RGS10: variants seen among roughly 807,000 people sequenced by gnomAD.
RGS10 encodes regulator of G protein signaling 10, also known as regulator of G-protein signalling 10.
In RGS10, 11 loss-of-function variants were observed where a neutral mutation model predicts 23.5. The observed-to-expected ratio is 0.47, with a 90% CI of 0.29 to 0.77. The LOEUF (loss-of-function observed/expected upper bound fraction) is 0.77, where lower values mean the gene tolerates loss of function less well. RGS10 is among the 30% of genes least tolerant of loss of function. The pLI is 0.08. For missense variants in RGS10, 180 were observed against 226.3 expected, an observed-to-expected ratio of 0.80 and a Z score of 1.31; for synonymous variants, 77 against 83.2, an observed-to-expected ratio of 0.92 and a Z score of 0.41.
rs780445536 is a variant in RGS10, at chr10:119,500,211, C to G, written c.448G>C (p.Asp150His). Residue 150 changes from aspartate to histidine, a missense_variant, in exon 5 of 5, where the codon GAC (aspartate) becomes CAC (histidine). By Grantham distance (81) the Asp-to-His change is moderately conservative (BLOSUM62 -1). Coordinates refer to ENST00000369103, the MANE Select transcript of RGS10 (RefSeq NM_001005339.2). Reference protein sequence around the residue: ...YDSYSRFLKSDLFLKHKRTEE... With the variant: ...YDSYSRFLKSHLFLKHKRTEE... ...GTTCGCTTGTGTTTTAAAAACAAGTCAGACTTTAAGAAGCGGCTGTAGCTG... is the reference window on the plus strand; with the variant it reads ...GTTCGCTTGTGTTTTAAAAACAAGTGAGACTTTAAGAAGCGGCTGTAGCTG... The G allele has an allele frequency of 1.2e-6, 2 of 1,613,998 alleles. No individual in the cohort carries two copies. Among genetic ancestry groups the G allele is most frequent in the Admixed American group, 1.7e-5 (1 of 59,992 alleles).
intron 4 of RGS10, among the ~76,000 whole-genome samples, chr10:119,513,195 T>C (rs1371890434): frequency 6.6e-6 from 1 of 152,224 alleles, no homozygotes; most frequent in African/African-American, 2.4e-5. Context: ...TGGTGGCTCT[T>C]GCCTGTAATC....
intron 4 of RGS10, among the ~76,000 whole-genome samples, chr10:119,507,312 T>C (rs1293448957): frequency 1.3e-5 from 2 of 152,106 alleles, no homozygotes; most frequent in African/African-American, 4.8e-5. Context: ...GCAGGGGCAC[T>C]CAGGCCAAGG....
chr10:119,519,621 A>G (rs375196528), intron 3 of RGS10, among the ~76,000 whole-genome samples: 402 of 16,662 alleles, frequency 0.024, 14 homozygotes, highest in Middle Eastern at 0.05. Flanking sequence ...GTCTCCCTGT[A>G]TCTGTCTCCC....
rs372099818 is a variant in RGS10 at position 119,516,714 on chromosome 10, G to A, written c.256-1062C>T. 3.3e-5 allele frequency among the ~76,000 whole-genome samples: 5 copies of A among 152,280 alleles called. No individual in the cohort carries two copies. The South Asian group carries it at 1.0e-3, about 32-fold the overall frequency. ...CTTCCTGTTTCACCCGAAACTAACC[G>A]AGGCTGGCTCAGGAGCACTCACTGA... On this transcript the variant is annotated intron_variant, in intron 3 of 4. Transcript: ENST00000369103.
intron 4 of RGS10, among the ~76,000 whole-genome samples, chr10:119,514,281 C>T (rs1419583599): frequency 6.6e-6 from 1 of 151,630 alleles, no homozygotes; most frequent in Non-Finnish European, 1.5e-5. Context: ...CGCTTTAACT[C>T]AGGAGGCAGA....
At chr10:119,502,432 G>A (rs895907147) in intron 4 of RGS10, among the ~76,000 whole-genome samples, 15 of 152,326 alleles carry the variant, frequency 9.8e-5, no homozygotes, top group Middle Eastern at 6.8e-3. Context: ...CCAGGTCCAC[G>A]CAGATGGGAC....
intron 1 of RGS10, among the ~76,000 whole-genome samples, chr10:119,529,495 C>G (rs1239129271): frequency 1.3e-5 from 2 of 152,002 alleles, no homozygotes; most frequent in Non-Finnish European, 2.9e-5. Context: ...CCCAGTTTCC[C>G]CAATTCAAAA....
intron 1 of RGS10, among the ~76,000 whole-genome samples, chr10:119,531,734 T>C (rs935888929): frequency 6.6e-6 from 1 of 152,090 alleles, no homozygotes; most frequent in African/African-American, 2.4e-5. Context: ...ATGGACCCAA[T>C]ACTGGGACCT....
At chr10:119,516,970 A>G (rs1844151691) in intron 3 of RGS10, among the ~76,000 whole-genome samples, 1 of 152,200 alleles carries the variant, frequency 6.6e-6, no homozygotes, top group Non-Finnish European at 1.5e-5. Context: ...GCAGACAACA[A>G]ATGCCTCTAA....
intron 4 of RGS10, among the ~76,000 whole-genome samples, chr10:119,507,902 G>A (rs991689323): frequency 1.3e-5 from 2 of 152,002 alleles, no homozygotes; most frequent in African/African-American, 4.8e-5. Flanking sequence ...TTCTTTTTGA[G>A]TGGAGAAGGC....
chr10:119,510,928 T>C (rs939714771), intron 4 of RGS10, among the ~76,000 whole-genome samples: 37 of 152,014 alleles, frequency 2.4e-4, no homozygotes, highest in African/African-American at 3.1e-4. Context: ...CCGTGTTAGC[T>C]AGGATGGTCT....
At chr10:119,516,847 G>A (rs368396877) in intron 3 of RGS10, among the ~76,000 whole-genome samples, 2 of 152,198 alleles carry the variant, frequency 1.3e-5, no homozygotes, top group African/African-American at 2.4e-5. Flanking sequence ...CTGAGGGCTC[G>A]ATTTTCTTTT....
At chr10:119,540,786 C>T (rs1488303325) in intron 1 of RGS10, among the ~76,000 whole-genome samples, 1 of 152,072 alleles carries the variant, frequency 6.6e-6, no homozygotes, top group Admixed American at 6.6e-5. Flanking sequence ...TTCATAGCAG[C>T]TCTATTTATA....
At chr10:119,506,978 C>T (rs541791627) in intron 4 of RGS10, among the ~76,000 whole-genome samples, 32 of 152,288 alleles carry the variant, frequency 2.1e-4, no homozygotes, top group African/African-American at 4.8e-4. Flanking sequence ...GGATTACAGG[C>T]GTGAGCCACC....
At chr10:119,509,952 G>T (rs1257115020) in intron 4 of RGS10, among the ~76,000 whole-genome samples, 1 of 151,806 alleles carries the variant, frequency 6.6e-6, no homozygotes, top group Non-Finnish European at 1.5e-5. Context: ...CAGGGGGAGA[G>T]GGGGAAGGGG....
chr10:119,510,909 G>A (rs565523985), intron 4 of RGS10, among the ~76,000 whole-genome samples: 2 of 151,342 alleles, frequency 1.3e-5, no homozygotes, highest in East Asian at 2.1e-4. Flanking sequence ...TAGTAGAGAC[G>A]GAGTTTCACC....
At chr10:119,519,219 G>A (rs557048440) in intron 3 of RGS10, among the ~76,000 whole-genome samples, 4 of 152,232 alleles carry the variant, frequency 2.6e-5, no homozygotes, top group African/African-American at 4.8e-5. Flanking sequence ...TTCTCTTCCC[G>A]CTTCCCTCAC....
intron 4 of RGS10, among the ~76,000 whole-genome samples, chr10:119,507,123 A>T (rs1266620814): frequency 2.0e-5 from 3 of 152,184 alleles, no homozygotes; most frequent in African/African-American, 7.2e-5. Context: ...TTCTGTTTGA[A>T]CAAAAAACCA....
chr10:119,530,375 C>T (rs1844320311), intron 1 of RGS10, among the ~76,000 whole-genome samples: 1 of 152,124 alleles, frequency 6.6e-6, no homozygotes, highest in African/African-American at 2.4e-5. Flanking sequence ...TAGACATTCA[C>T]CAGATGACAT....
Sources: allele counts gnomAD v4.1 joint callset (sites outside exome capture counted in the v4.1 genomes callset), GRCh38; gene constraint gnomAD v4.1.1; transcripts MANE v1.5; gene names NCBI Gene and HGNC (gene_info 2026-07-23, HGNC 2026-07-21).